The following PLD5 variants were observed in gnomAD, a reference collection of about 807,000 sequenced individuals.
The protein encoded by PLD5 is phospholipase D family member 5.
A neutral mutation model predicts 61.1 loss-of-function variants in PLD5; 36 were observed. The observed-to-expected ratio is 0.59, with a 90% CI of 0.45 to 0.78. The LOEUF (loss-of-function observed/expected upper bound fraction) is 0.78, where lower values mean the gene tolerates loss of function less well. Ranked by LOEUF, PLD5 falls within the 30% of genes least tolerant of loss-of-function variation. The probability of loss-of-function intolerance (pLI) is 0.00; values close to 1 mark genes in which losing one functional copy is unlikely to be tolerated. For synonymous variants in PLD5, 243 were observed against 242.8 expected (o/e 1.00, Z -0.01); for missense variants, 515 against 644.4 (o/e 0.80, Z 2.17).
chr1:242,393,188 G>A (rs111951949), intron 1 of PLD5, among the ~76,000 whole-genome samples: 5 of 139,460 alleles, frequency 3.6e-5, no homozygotes, highest in East Asian at 2.2e-4. Flanking sequence ...TGGATAAGAC[G>A]ACGACTCCGT....
At chr1:242,410,238 G>C (rs562184588) in intron 1 of PLD5, among the ~76,000 whole-genome samples, 9 of 152,236 alleles carry the variant, frequency 5.9e-5, no homozygotes, top group African/African-American at 2.2e-4. Context: ...CCATGCATGT[G>C]AACTGAGGTA....
intron 5 of PLD5, among the ~76,000 whole-genome samples, chr1:242,167,365 A>G (rs1666400710): frequency 6.6e-6 from 1 of 152,156 alleles, no homozygotes; most frequent in South Asian, 2.1e-4. Flanking sequence ...CACATCTTAC[A>G]TGGCAGCAGC....
intron 1 of PLD5, among the ~76,000 whole-genome samples, chr1:242,430,065 A>G (rs2810021): frequency 0.72 from 109,555 of 151,986 alleles, 40,394 homozygotes; most frequent in African/African-American, 0.87. Context: ...TAGGCTCCAC[A>G]AGTCTTTAAG....
intron 1 of PLD5, among the ~76,000 whole-genome samples, chr1:242,419,411 G>A (rs1196202597): frequency 3.4e-5 from 5 of 148,568 alleles, no homozygotes; most frequent in Admixed American, 6.7e-5. Context: ...TTTTTGGCGG[G>A]GGGAGACAGA....
At chr1:242,372,714 T>C (rs1661706050) in intron 1 of PLD5, among the ~76,000 whole-genome samples, 1 of 152,190 alleles carries the variant, frequency 6.6e-6, no homozygotes, top group South Asian at 2.1e-4. Flanking sequence ...ATTTAATAAA[T>C]GGTGCTGGGA....
chr1:242,254,288 T>C (rs1672885700), intron 4 of PLD5, among the ~76,000 whole-genome samples: 1 of 150,154 alleles, frequency 6.7e-6, no homozygotes, highest in Non-Finnish European at 1.5e-5. Flanking sequence ...ACACTTTTTA[T>C]ATATTATCTA....
chr1:242,106,859 G>T (rs986643902), intron 8 of PLD5, among the ~76,000 whole-genome samples: 5 of 152,150 alleles, frequency 3.3e-5, no homozygotes, highest in Non-Finnish European at 7.3e-5. Flanking sequence ...TTATGAGGTG[G>T]GTAAACATGG....
intron 5 of PLD5, among the ~76,000 whole-genome samples, chr1:242,128,019 G>T (rs1422726681): frequency 1.3e-5 from 2 of 152,232 alleles, no homozygotes; most frequent in South Asian, 4.2e-4. Context: ...GCTCACACGT[G>T]GCAAACACTA....
At position 242,505,069 on chromosome 1, in the gene PLD5, A is replaced by T. The variant is rs530426848; in HGVS notation, c.189+19019T>A. Reference sequence around the variant, plus strand: ...CTACTCAGGAGGCTGAGGTGGGAGGATCACTTGAGCCCAGGACGTGGAGGC... The same window carrying T: ...CTACTCAGGAGGCTGAGGTGGGAGGTTCACTTGAGCCCAGGACGTGGAGGC... On this transcript the variant is annotated intron_variant, in intron 1 of 9. Coordinates refer to ENST00000536534, the MANE Select transcript of PLD5 (RefSeq NM_001372062.1). 6.6e-5 allele frequency among the ~76,000 whole-genome samples: 10 copies of T among 152,304 alleles called. No individual in the cohort carries two copies. In the East Asian group the frequency reaches 1.9e-3, roughly 29 times the overall value.
At chr1:242,421,686 A>T (rs1307914627) in intron 1 of PLD5, among the ~76,000 whole-genome samples, 3 of 152,204 alleles carry the variant, frequency 2.0e-5, no homozygotes, top group Admixed American at 6.5e-5. Flanking sequence ...AGTGGTCTGG[A>T]GGAGAGTTTC....
chr1:242,168,481 C>G (rs184362), intron 5 of PLD5, among the ~76,000 whole-genome samples: 12,782 of 152,120 alleles, frequency 0.084, 718 homozygotes, highest in African/African-American at 0.16. Flanking sequence ...TATAATAATT[C>G]CTTATTAAAC....
At chr1:242,410,126 A>C (rs1040919778) in intron 1 of PLD5, among the ~76,000 whole-genome samples, 1 of 152,198 alleles carries the variant, frequency 6.6e-6, no homozygotes, top group African/African-American at 2.4e-5. Context: ...TTGGGCGACG[A>C]CTATTTCTGG....
chr1:242,381,857 C>A (rs1662296500), intron 1 of PLD5, among the ~76,000 whole-genome samples: 1 of 152,102 alleles, frequency 6.6e-6, no homozygotes, highest in Non-Finnish European at 1.5e-5. Flanking sequence ...CTTTTCAGAT[C>A]TATTGCTCTG....
chr1:242,482,722 TC>T (rs574041381), intron 1 of PLD5, among the ~76,000 whole-genome samples: 2,750 of 152,038 alleles, frequency 0.018, 82 homozygotes, highest in African/African-American at 0.063. Flanking sequence ...ACAAAGATAC[TC>T]CTTGAGAAGA....
chr1:242,525,797 A>G (rs968231541), upstream of PLD5, among the ~76,000 whole-genome samples: 1 of 152,216 alleles, frequency 6.6e-6, no homozygotes, highest in African/African-American at 2.4e-5. Context: ...TTAGGAGGAC[A>G]GGGATTGTGT....
At chr1:242,128,809 G>A (rs555534614) in intron 5 of PLD5, among the ~76,000 whole-genome samples, 4 of 152,046 alleles carry the variant, frequency 2.6e-5, no homozygotes, top group Non-Finnish European at 4.4e-5. Context: ...GCTCCACCAC[G>A]GGCAAGGCAC....
intron 2 of PLD5, among the ~76,000 whole-genome samples, chr1:242,319,963 A>G (rs1469156962): frequency 6.6e-6 from 1 of 152,164 alleles, no homozygotes; most frequent in Non-Finnish European, 1.5e-5. Context: ...CTTTCCCCCA[A>G]TACCTGCTTT....
chr1:242,504,635 T>C (rs1435124594), intron 1 of PLD5, among the ~76,000 whole-genome samples: 1 of 152,216 alleles, frequency 6.6e-6, no homozygotes, highest in East Asian at 1.9e-4. Flanking sequence ...AAGAAACTTA[T>C]AGCTTACATT....
intron 1 of PLD5, among the ~76,000 whole-genome samples, chr1:242,385,605 C>T (rs1314850373): frequency 6.6e-6 from 1 of 152,138 alleles, no homozygotes; most frequent in African/African-American, 2.4e-5. Flanking sequence ...TCCTTTGACT[C>T]CGCCGGACTT....
Sources: allele counts gnomAD v4.1 joint callset (sites outside exome capture counted in the v4.1 genomes callset), GRCh38; gene constraint gnomAD v4.1.1; transcripts MANE v1.5; gene names NCBI Gene and HGNC (gene_info 2026-07-23, HGNC 2026-07-21).